TAFA4: variants seen among roughly 807,000 people sequenced by gnomAD.
The protein encoded by TAFA4 is chemokine-like protein TAFA-4.
A neutral mutation model predicts 21.1 loss-of-function variants in TAFA4; 20 were observed. The observed-to-expected ratio is 0.95, with a 90% confidence interval of 0.67 to 1.38. The LOEUF (loss-of-function observed/expected upper bound fraction) is 1.38. Ranked by LOEUF, TAFA4 falls within the 40% of genes most tolerant of loss-of-function variation. The pLI is 0.00. For missense variants in TAFA4, 211 were observed against 180.9 expected, an observed-to-expected ratio of 1.17 and a Z score of -0.95; for synonymous variants, 71 against 67.4, an observed-to-expected ratio of 1.05 and a Z score of -0.26.
At chr3:68,868,289 G>C (rs1196913764) in intron 3 of TAFA4, among the ~76,000 whole-genome samples, 1 of 151,880 alleles carries the variant, frequency 6.6e-6, no homozygotes, top group East Asian at 1.9e-4. Context: ...TTCAGCAAGA[G>C]GATATAACAA....
At chr3:68,887,684 A>G (rs938333942) in intron 1 of TAFA4, among the ~76,000 whole-genome samples, 4 of 152,088 alleles carry the variant, frequency 2.6e-5, no homozygotes, top group African/African-American at 7.2e-5. Flanking sequence ...CTCTGGCACT[A>G]GCTGTACCTG....
At chr3:68,788,506 G>T (rs1158308778) in intron 3 of TAFA4, among the ~76,000 whole-genome samples, 4 of 152,136 alleles carry the variant, frequency 2.6e-5, no homozygotes, top group Non-Finnish European at 5.9e-5. Context: ...TGCTTTTGTT[G>T]CCAGTGTTTT....
chr3:68,823,954 T>C (rs181141631), intron 3 of TAFA4, among the ~76,000 whole-genome samples: 1 of 152,326 alleles, frequency 6.6e-6, no homozygotes, highest in East Asian at 1.9e-4. Context: ...TCTTCTGTCC[T>C]ATTTCTGATT....
chr3:68,819,274 TAAAAAAAAAAAAA>T (rs59090610), intron 3 of TAFA4, among the ~76,000 whole-genome samples: 1 of 109,346 alleles, frequency 9.1e-6, no homozygotes, highest in Non-Finnish European at 2.0e-5. Flanking sequence ...TGTCTTTAAT[TAAAAAAAAAAAAA>T]AAAAAAAAAA....
At position 68,812,399 on chromosome 3, in the gene TAFA4, G is replaced by T. The variant is rs542053384; in HGVS notation, c.131-59381C>A. On this transcript the variant is annotated intron_variant, in intron 3 of 5. Transcript: ENST00000295569. The stretch of plus-strand genomic sequence containing the variant: ...ACTGGCAAATTGGATCAAGAGTCAA[G>T]ACCCATCAGTGTGCTGTATTCAGGA... Among the ~76,000 whole-genome samples, 14 of 152,280 alleles carry T rather than the reference G, an allele frequency of 9.2e-5. No individual in the cohort carries two copies. The South Asian group carries it at 1.7e-3, about 18-fold the overall frequency.
At chr3:68,921,162 T>C (rs1460025906) in intron 1 of TAFA4, among the ~76,000 whole-genome samples, 1 of 152,114 alleles carries the variant, frequency 6.6e-6, no homozygotes, top group Non-Finnish European at 1.5e-5. Context: ...AACACCCTGC[T>C]GCCCGCAAGA....
intron 3 of TAFA4, among the ~76,000 whole-genome samples, chr3:68,830,437 C>T (rs1009306842): frequency 5.9e-5 from 9 of 152,146 alleles, no homozygotes; most frequent in African/African-American, 1.2e-4. Flanking sequence ...GCCTTCATTT[C>T]GTTATTTACC....
At chr3:68,792,093 C>T (rs958169149) in intron 3 of TAFA4, among the ~76,000 whole-genome samples, 2 of 152,154 alleles carry the variant, frequency 1.3e-5, no homozygotes, top group Non-Finnish European at 2.9e-5. Context: ...ATTAAACAAT[C>T]TAATTGTTCT....
chr3:68,814,576 G>C (rs545419281), intron 3 of TAFA4, among the ~76,000 whole-genome samples: 2 of 152,084 alleles, frequency 1.3e-5, no homozygotes. Context: ...GCCTCAAAGA[G>C]AATAAAATAC....
chr3:68,739,036 ATAACTTG>A, intron 5 of TAFA4, 32 bp downstream of exon 5: 2 of 1,609,108 alleles, frequency 1.2e-6, no homozygotes, highest in South Asian at 2.2e-5. Flanking sequence ...CCCACAGTTG[ATAACTTG>A]TAAATTGTAG....
At chr3:68,781,919 C>T (rs1232903344) in intron 3 of TAFA4, among the ~76,000 whole-genome samples, 1 of 152,096 alleles carries the variant, frequency 6.6e-6, no homozygotes, top group African/African-American at 2.4e-5. Context: ...GTATGGGGGT[C>T]AATCTTCATG....
At chr3:68,748,190 A>AAGGTGCCAAATTAAAATGATGAATGAACC (rs1702493978) in intron 4 of TAFA4, among the ~76,000 whole-genome samples, 1 of 152,226 alleles carries the variant, frequency 6.6e-6, no homozygotes, top group African/African-American at 2.4e-5. Flanking sequence ...GTCAGGCACA[A>AAGGTGCCAAATTAAAATGATGAATGAACC]AGGTGCCAAA....
Position 68,880,970 on chromosome 3 carries a change from A to G in TAFA4, c.15-125T>C, listed in dbSNP as rs985510229. 3.0e-5 allele frequency: 20 copies of G among 660,578 alleles called. No homozygotes were observed. The African/African-American group carries it at 3.3e-4, about 11-fold the overall frequency. The allele number at this position is 660,578 out of a possible 1,614,324, so 40.9% of individuals were successfully genotyped here. ...CTGGAGCTGGAATTCCTTTCTCCCA[A>G]GAAAACAGAAGACCAATCAAACCTT... On this transcript the variant is annotated intron_variant, in intron 2 of 5. Coordinates refer to ENST00000295569, the MANE Select transcript of TAFA4 (RefSeq NM_182522.5).
At chr3:68,912,257 T>C (rs2089967301) in intron 1 of TAFA4, among the ~76,000 whole-genome samples, 1 of 152,128 alleles carries the variant, frequency 6.6e-6, no homozygotes, top group Non-Finnish European at 1.5e-5. Context: ...AAATCCCCCT[T>C]CCACTTTTAC....
At chr3:68,841,360 C>T (rs1575635532) in intron 3 of TAFA4, among the ~76,000 whole-genome samples, 2 of 151,560 alleles carry the variant, frequency 1.3e-5, no homozygotes, top group East Asian at 3.9e-4. Flanking sequence ...AATCCACACA[C>T]ATTCTCCACA....
intron 3 of TAFA4, among the ~76,000 whole-genome samples, chr3:68,825,705 G>C (rs1027887613): frequency 2.6e-5 from 4 of 152,144 alleles, no homozygotes; most frequent in Admixed American, 6.5e-5. Flanking sequence ...TGAAACCTTT[G>C]AAAGGACAGC....
chr3:68,836,897 C>G (rs921915061), intron 3 of TAFA4, among the ~76,000 whole-genome samples: 1 of 152,078 alleles, frequency 6.6e-6, no homozygotes, highest in Non-Finnish European at 1.5e-5. Flanking sequence ...AAATAAAGTA[C>G]CCAGGAAATT....
intron 3 of TAFA4, among the ~76,000 whole-genome samples, chr3:68,796,973 A>T (rs917908310): frequency 6.6e-6 from 1 of 152,246 alleles, no homozygotes; most frequent in Admixed American, 6.5e-5. Context: ...ATCAAAAAAA[A>T]GTAAATAAAT....
Position 68,760,892 on chromosome 3 carries a change from T to G in TAFA4, c.131-7874A>C, listed in dbSNP as rs528682150. Among the ~76,000 whole-genome samples, 6 of 152,186 alleles carry G rather than the reference T, an allele frequency of 3.9e-5. No individual in the cohort carries two copies. The East Asian group carries it at 1.2e-3, about 29-fold the overall frequency. On this transcript the variant is annotated intron_variant, in intron 3 of 5. Coordinates refer to ENST00000295569, the MANE Select transcript of TAFA4 (RefSeq NM_182522.5). ...GGTAGTTTAGTTGTGAAGACAAATA[T>G]CCACTGAGGCCTTACTATGTGCCAG...
Sources: allele counts gnomAD v4.1 joint callset (sites outside exome capture counted in the v4.1 genomes callset), GRCh38; gene constraint gnomAD v4.1.1; transcripts MANE v1.5; gene names NCBI Gene and HGNC (gene_info 2026-07-23, HGNC 2026-07-21).